NCOR2: variants seen among roughly 807,000 people sequenced by gnomAD.
The protein encoded by NCOR2 is nuclear receptor corepressor 2, also known as CTG repeat protein 26.
A neutral mutation model predicts 262.9 loss-of-function variants in NCOR2; 81 were observed. That is an observed-to-expected ratio of 0.31 (90% CI 0.26 to 0.37). NCOR2 has a LOEUF of 0.37. Ranked by LOEUF, NCOR2 falls within the 10% of genes least tolerant of loss-of-function variation. The probability of loss-of-function intolerance (pLI) is 1.00; values close to 1 mark genes in which losing one functional copy is unlikely to be tolerated. For synonymous variants in NCOR2, 1,659 were observed against 1,559.3 expected, an observed-to-expected ratio of 1.06 and a Z score of -1.51; for missense variants, 3,385 against 3,621.4, an observed-to-expected ratio of 0.93 and a Z score of 1.68.
chr12:124,325,438 G>A (rs1044725085), exon 47 of NCOR2: 1 of 1,317,306 alleles, frequency 7.6e-7, no homozygotes, highest in Admixed American at 3.8e-5. Flanking sequence ...ACTGCGAGCA[G>A]AGCAGTGGCT....
intron 13 of NCOR2, among the ~76,000 whole-genome samples, chr12:124,418,984 G>A (rs571015211): frequency 1.1e-3 from 174 of 152,130 alleles, no homozygotes; most frequent in Middle Eastern, 3.4e-3. Flanking sequence ...GGAAGGAAAT[G>A]CCTCGACCGA....
chr12:124,539,845 G>A (rs977816977), upstream of NCOR2, among the ~76,000 whole-genome samples: 20 of 152,130 alleles, frequency 1.3e-4, no homozygotes, highest in Admixed American at 5.2e-4. This position sits in a 1 kb window ranked among gnomAD's most constrained non-coding sequence, Gnocchi z 5.1. Context: ...CAGGAAGCCC[G>A]CCTGGCTCAC....
intron 37 of NCOR2, among the ~76,000 whole-genome samples, chr12:124,338,944 CTCT>C (rs2036145754): frequency 7.7e-6 from 1 of 129,470 alleles, no homozygotes; most frequent in African/African-American, 2.9e-5. Flanking sequence ...GCCATCTATA[CTCT>C]CACCCACCCA....
chr12:124,528,942 G>C (rs968029671), intron 1 of NCOR2, among the ~76,000 whole-genome samples: 1 of 152,344 alleles, frequency 6.6e-6, no homozygotes, highest in African/African-American at 2.4e-5. Flanking sequence ...CAGTTTGGGA[G>C]GCCGAGGCGG....
At chr12:124,445,394 C>T (rs1191547113) in intron 7 of NCOR2, among the ~76,000 whole-genome samples, 2 of 152,182 alleles carry the variant, frequency 1.3e-5, no homozygotes, top group African/African-American at 2.4e-5. Context: ...CAGCAGCGCC[C>T]GAAGCAGGTG....
chr12:124,352,377 T>C (rs2037561504), intron 27 of NCOR2, among the ~76,000 whole-genome samples: 1 of 151,802 alleles, frequency 6.6e-6, no homozygotes, highest in African/African-American at 2.4e-5. Context: ...CTGAGGCATC[T>C]GATTTTTTTT....
intron 14 of NCOR2, among the ~76,000 whole-genome samples, chr12:124,401,079 C>T (rs1207974499): frequency 6.6e-6 from 1 of 152,048 alleles, no homozygotes; most frequent in African/African-American, 2.4e-5. Context: ...GGCGTGGTGG[C>T]ATATGCTGAT....
intron 13 of NCOR2, among the ~76,000 whole-genome samples, chr12:124,419,197 ACC>A (rs2043076256): frequency 6.6e-6 from 1 of 152,110 alleles, no homozygotes; most frequent in African/African-American, 2.4e-5. Flanking sequence ...ATTTTTTCAA[ACC>A]AACTCCTTTT....
intron 14 of NCOR2, among the ~76,000 whole-genome samples, 165 bp from the exon 17 acceptor site, chr12:124,400,838 G>T (rs534811141): frequency 3.2e-4 from 48 of 152,322 alleles, no homozygotes; most frequent in African/African-American, 1.2e-3. Context: ...GTGGCCAGGG[G>T]CAAGTCTGCA....
At chr12:124,414,095 G>A (rs1285149582) in intron 13 of NCOR2, among the ~76,000 whole-genome samples, 1 of 152,248 alleles carries the variant, frequency 6.6e-6, no homozygotes, top group Admixed American at 6.5e-5. Flanking sequence ...ACAGACCACA[G>A]GAGAGGCCTG....
intron 20 of NCOR2, among the ~76,000 whole-genome samples, chr12:124,365,510 G>T (rs1343330215): frequency 3.9e-5 from 6 of 152,156 alleles, no homozygotes; most frequent in Non-Finnish European, 5.9e-5. Context: ...GCCATAGCAG[G>T]ACCATGGGGC....
chr12:124,362,418 A>G, intron 21 of NCOR2, 121 bp from the exon 24 acceptor site: 1 of 872,894 alleles, frequency 1.1e-6, no homozygotes, highest in South Asian at 2.7e-5. Flanking sequence ...GACATGCTCA[A>G]GGTCCCAGGT....
intron 8 of NCOR2, 53 bp from the exon 11 acceptor site, chr12:124,430,840 C>T (rs1218691905): frequency 5.8e-6 from 9 of 1,541,732 alleles, no homozygotes; most frequent in South Asian, 3.7e-5. Context: ...TGGCACCCGC[C>T]GCCTCCCCCC....
chr12:124,564,818 C>A (rs1331838482), intron 1 of NCOR2, among the ~76,000 whole-genome samples: 1 of 152,030 alleles, frequency 6.6e-6, no homozygotes, highest in Non-Finnish European at 1.5e-5. Context: ...AGGCAGCCTC[C>A]ACATCCAGCA....
chr12:124,325,387 C>CCG, exon 47 of NCOR2: 1 of 655,994 alleles, frequency 1.5e-6, no homozygotes, highest in African/African-American at 2.1e-5. Context: ...GCCCCCCCCC[C>CCG]CGCCCTGTTC....
At chr12:124,410,072 G>T (rs991804455) in intron 13 of NCOR2, among the ~76,000 whole-genome samples, 1 of 151,092 alleles carries the variant, frequency 6.6e-6, no homozygotes. Flanking sequence ...ACAACCTGCC[G>T]CCTGTGAGCC....
At chr12:124,345,051 TG>T in intron 31 of NCOR2, 100 bp from the exon 34 acceptor site, 1 of 1,124,204 alleles carries the variant, frequency 8.9e-7, no homozygotes, top group East Asian at 2.6e-5. Context: ...ATCTATAAGA[TG>T]GAAGTGACAT....
chr12:124,340,706 G>T, exon 35 of NCOR2: 1 of 1,542,784 alleles, frequency 6.5e-7, no homozygotes, highest in Middle Eastern at 1.7e-4. Flanking sequence ...TGGTGTCGGG[G>T]GCACGAGCAC....
chr12:124,482,271 C>G lies in NCOR2; in HGVS notation c.411+1325G>C, dbSNP rs2047534658. Reference sequence around the variant, plus strand: ...CTCCCTCCCCTGGCCCCAGAGGCAGCCCTGTGGGTATCTGGCAGGTGTGCA... The same window carrying G: ...CTCCCTCCCCTGGCCCCAGAGGCAGGCCTGTGGGTATCTGGCAGGTGTGCA... On this transcript the variant is annotated intron_variant, in intron 3 of 46. Coordinates refer to ENST00000405201, the Ensembl canonical transcript of NCOR2. This position sits in a 1 kb window ranked among gnomAD's most constrained non-coding sequence, Gnocchi z 6.3. Among the ~76,000 whole-genome samples the G allele has an allele frequency of 6.6e-6, 1 of 152,040 alleles. No individual in the cohort carries two copies. Among genetic ancestry groups the G allele is most frequent in the Admixed American group, 6.5e-5 (1 of 15,276 alleles).
Sources: allele counts gnomAD v4.1 joint callset (sites outside exome capture counted in the v4.1 genomes callset), GRCh38; gene constraint gnomAD v4.1.1; non-coding constraint Gnocchi (gnomAD v3.1); transcripts MANE v1.5; gene names NCBI Gene and HGNC (gene_info 2026-07-23, HGNC 2026-07-21).